PRKAR1B: variants seen among roughly 807,000 people sequenced by gnomAD.
PRKAR1B encodes cAMP-dependent protein kinase type I-beta regulatory subunit.
PRKAR1B carries 22 observed loss-of-function variants against 46.5 expected under a neutral mutation model. The ratio of observed to expected loss-of-function variants is 0.47; its 90% CI spans 0.34 to 0.68. The LOEUF is 0.68. Among genes scored for constraint, PRKAR1B ranks in the 30% least tolerant of loss-of-function variants. PRKAR1B has a pLI of 0.01. For synonymous variants in PRKAR1B, 259 were observed against 217.7 expected (o/e 1.19, Z -1.67); for missense variants, 445 against 535.6 (o/e 0.83, Z 1.67).
chr7:716,702 T>C (rs1400665790), intron 1 of PRKAR1B: 2 of 152,368 alleles, frequency 1.3e-5, no homozygotes, highest in Non-Finnish European at 1.5e-5. Context: ...GAAACAAAGA[T>C]GCTTTGTTAA....
chr7:581,976 C>G (rs1780211399), intron 8 of PRKAR1B, among the ~76,000 whole-genome samples: 1 of 152,240 alleles, frequency 6.6e-6, no homozygotes, highest in Admixed American at 6.5e-5. Context: ...ACCTCAGCCT[C>G]CCAAGTAGCT....
chr7:727,399 G>A, upstream of PRKAR1B: 1 of 604,024 alleles, frequency 1.7e-6, no homozygotes, highest in Non-Finnish European at 2.0e-6. Context: ...CACAACCCCC[G>A]CGGCTCGGCC....
chr7:680,743 AAC>A lies in PRKAR1B; in HGVS notation c.178-19_178-18del, dbSNP rs369593324. The A allele has an allele frequency of 3.2e-4, 520 of 1,613,632 alleles. 3 individuals carry two copies. In the African/African-American group the frequency reaches 6.2e-3, roughly 19 times the overall value. ...GTTTTCTTCCTGTGTGGGAGAGGAAAACACAGAAAGGAAGTAAGAACCTGGCT... is the reference window on the plus strand; with the variant it reads ...GTTTTCTTCCTGTGTGGGAGAGGAAAACAGAAAGGAAGTAAGAACCTGGCT... On this transcript the variant is annotated intron_variant, in intron 2 of 10. Transcript: ENST00000537384.
chr7:692,335 G>T lies in PRKAR1B; in HGVS notation c.178-11609C>A, dbSNP rs1225366248. ...GAATCGATTGAACCCAGGAGGTGGA[G>T]GTTGCAGTGAGCTGAGATCGCGCCA... On this transcript the variant is annotated intron_variant, in intron 2 of 10. Transcript: ENST00000537384. Among the ~76,000 whole-genome samples, 4 of 152,244 alleles carry T rather than the reference G, an allele frequency of 2.6e-5. No individual in the cohort carries two copies. The East Asian group carries it at 7.7e-4, about 29-fold the overall frequency.
At position 693,547 on chromosome 7, in the gene PRKAR1B, C is replaced by T. The variant is rs192388469; in HGVS notation, c.178-12821G>A. ...GGCTCATTTCACTGGCATTACGTGT[C>T]CCAGGTTCGTCCGCGCTGTGCTGCG... On this transcript the variant is annotated intron_variant, in intron 2 of 10. Transcript: ENST00000537384. 2.2e-3 allele frequency among the ~76,000 whole-genome samples: 328 copies of T among 152,274 alleles called. 1 individual carries two copies. The highest frequency in any genetic ancestry group is 7.3e-3 in the African/African-American group (305 of 41,566).
chr7:673,154 C>T (rs1363227551), intron 4 of PRKAR1B, among the ~76,000 whole-genome samples: 2 of 148,466 alleles, frequency 1.3e-5, no homozygotes, highest in African/African-American at 5.0e-5. Flanking sequence ...TCAGGGCTGA[C>T]TCTGTCTGCA....
chr7:582,024 T>A (rs989091712), intron 8 of PRKAR1B, among the ~76,000 whole-genome samples: 3 of 152,258 alleles, frequency 2.0e-5, no homozygotes, highest in African/African-American at 4.8e-5. Flanking sequence ...CAGCTAATTT[T>A]TTATTTTGCA....
At chr7:709,082 C>T (rs1354497462) in intron 2 of PRKAR1B, among the ~76,000 whole-genome samples, 1 of 140,648 alleles carries the variant, frequency 7.1e-6, no homozygotes, top group African/African-American at 2.7e-5. Flanking sequence ...TGAGCCACCG[C>T]ACCCACCAGC....
Position 606,254 on chromosome 7 carries a change from G to A in PRKAR1B, c.503-15C>T. ...TCCTTCATTCCCTGTAACAAAAGAA[G>A]AAAGTCAACAGATACAAAGTACATC... On this transcript the variant is annotated splice_polypyrimidine_tract_variant and intron_variant, in intron 5 of 10. Transcript: ENST00000537384. 2 of 1,612,116 alleles carry A rather than the reference G, an allele frequency of 1.2e-6. No homozygotes were observed. Among genetic ancestry groups the A allele is most frequent in the Non-Finnish European group, 8.5e-7 (1 of 1,178,596 alleles).
intron 6 of PRKAR1B, 132 bp from the exon 7 acceptor site, chr7:596,436 T>C (rs2128456830): frequency 2.7e-6 from 3 of 1,129,582 alleles, no homozygotes; most frequent in Non-Finnish European, 3.7e-6. Context: ...CCCTTTCGCT[T>C]GTGGGCAGAG....
intron 4 of PRKAR1B, chr7:607,783 A>C (rs1782189201): frequency 3.8e-6 from 1 of 261,372 alleles, no homozygotes; most frequent in Admixed American, 5.4e-5. Flanking sequence ...GATTGTGAAC[A>C]TTCTCCCATC....
chr7:725,460 T>C (rs574455023), intron 1 of PRKAR1B, among the ~76,000 whole-genome samples: 31 of 152,306 alleles, frequency 2.0e-4, no homozygotes, highest in African/African-American at 6.7e-4. Context: ...TCCAAGCTGT[T>C]TAGGCGCCTC....
intron 4 of PRKAR1B, among the ~76,000 whole-genome samples, chr7:633,939 C>T (rs1783900296): frequency 1.3e-5 from 2 of 152,190 alleles, no homozygotes; most frequent in East Asian, 1.9e-4. Context: ...GTAATCGCAG[C>T]ACTTTGGGAG....
chr7:703,329 G>A (rs947199632), intron 2 of PRKAR1B, among the ~76,000 whole-genome samples: 37 of 152,154 alleles, frequency 2.4e-4, no homozygotes, highest in African/African-American at 8.7e-4. Context: ...TTTGGTAGTA[G>A]GTATAGCAAG....
At chr7:573,114 G>A (rs928670712) in intron 9 of PRKAR1B, among the ~76,000 whole-genome samples, 6 of 152,332 alleles carry the variant, frequency 3.9e-5, no homozygotes, top group South Asian at 2.1e-4. Flanking sequence ...TGCGAAGCGC[G>A]TCGGTTCCGA....
At chr7:711,626 G>A (rs1396330980) in intron 1 of PRKAR1B, 99 bp from the exon 2 acceptor site, 2 of 1,089,652 alleles carry the variant, frequency 1.8e-6, no homozygotes, top group Non-Finnish European at 2.6e-6. Context: ...CCAGGAGCGT[G>A]GAAGAAAGTC....
intron 2 of PRKAR1B, among the ~76,000 whole-genome samples, chr7:685,383 TAC>T (rs1462560363): frequency 5.3e-5 from 1 of 18,974 alleles, no homozygotes; most frequent in Non-Finnish European, 9.4e-5. Context: ...TATATATACA[TAC>T]ATATATATAT....
chr7:708,633 C>G (rs1466185513), intron 2 of PRKAR1B, among the ~76,000 whole-genome samples: 3 of 152,028 alleles, frequency 2.0e-5, no homozygotes, highest in Non-Finnish European at 2.9e-5. Flanking sequence ...ATTACAGGCA[C>G]ATGCCACCAC....
chr7:623,041 A>C (rs1264052912), intron 4 of PRKAR1B, among the ~76,000 whole-genome samples: 1 of 152,174 alleles, frequency 6.6e-6, no homozygotes, highest in Non-Finnish European at 1.5e-5. Context: ...TCACGGTCCT[A>C]TCTCTTCTGT....
Sources: allele counts gnomAD v4.1 joint callset (sites outside exome capture counted in the v4.1 genomes callset), GRCh38; gene constraint gnomAD v4.1.1; transcripts MANE v1.5; gene names NCBI Gene and HGNC (gene_info 2026-07-23, HGNC 2026-07-21).